CCND3: variants seen among roughly 807,000 people sequenced by gnomAD.
The protein encoded by CCND3 is cyclin D3, also known as G1/S-specific cyclin-D3.
CCND3 carries 9 observed loss-of-function variants against 28.7 expected under a neutral mutation model. That is an observed-to-expected ratio of 0.31 (90% CI 0.19 to 0.55). The LOEUF is 0.55. Ranked by LOEUF, CCND3 falls within the 20% of genes least tolerant of loss-of-function variation. The pLI is 0.93. For synonymous variants in CCND3, 164 were observed against 163.9 expected (o/e 1.00, Z 0.00); for missense variants, 315 against 385.8 (o/e 0.82, Z 1.54).
rs1484667648 is a variant in CCND3, at chr6:41,939,560, C to A, written c.414+810G>T. On this transcript the variant is annotated intron_variant, in intron 2 of 4. Coordinates refer to ENST00000372991, the MANE Select transcript of CCND3 (RefSeq NM_001760.5). This position sits in a 1 kb window ranked among gnomAD's most constrained non-coding sequence, Gnocchi z 4.2. Reference sequence around the variant, plus strand: ...TTCCAGCAAGAGGCCCAGGGAGCCACTTCCCAAACCACAGGAGTGACAGCA... The same window carrying A: ...TTCCAGCAAGAGGCCCAGGGAGCCAATTCCCAAACCACAGGAGTGACAGCA... 6.6e-6 allele frequency among the ~76,000 whole-genome samples: 1 copy of A among 152,220 alleles called. No homozygotes were observed. The highest frequency in any genetic ancestry group is 6.5e-5 in the Admixed American group (1 of 15,292).
intron 1 of CCND3, among the ~76,000 whole-genome samples, chr6:41,976,594 C>G (rs573477399): frequency 2.0e-5 from 3 of 152,024 alleles, no homozygotes; most frequent in Non-Finnish European, 4.4e-5. Flanking sequence ...TCAAGGCTAC[C>G]GTGAGCCGTG....
At chr6:41,984,106 T>G (rs1398906742) in intron 1 of CCND3, among the ~76,000 whole-genome samples, 1 of 152,218 alleles carries the variant, frequency 6.6e-6, no homozygotes, top group Non-Finnish European at 1.5e-5. Context: ...TCATCCATAT[T>G]ATCACAAATG....
rs553985278 is a variant in CCND3 at position 41,985,567 on chromosome 6, G to A, written c.-45-44982C>T. 1.0e-4 allele frequency among the ~76,000 whole-genome samples: 15 copies of A among 150,498 alleles called. No homozygotes were observed. In the South Asian group the frequency reaches 2.3e-3, roughly 23 times the overall value. ...TGACCTTAGGTAATCCACCCGCCTC[G>A]GCCTCCCAGAGTGCTGGGATTACAG... is the stretch of plus-strand genomic sequence containing the variant. On this transcript the variant is annotated intron_variant, in intron 1 of 4. Coordinates refer to the CCND3 transcript ENST00000372988.
intron 1 of CCND3, among the ~76,000 whole-genome samples, chr6:41,966,065 G>A (rs558928309): frequency 1.3e-4 from 20 of 152,262 alleles, no homozygotes; most frequent in African/African-American, 4.6e-4. Context: ...AAACCTCAGT[G>A]TTCCTGCCTG....
chr6:41,950,253 G>A (rs1776271146), intron 1 of CCND3, among the ~76,000 whole-genome samples: 1 of 152,092 alleles, frequency 6.6e-6, no homozygotes, highest in East Asian at 1.9e-4. Context: ...GGCCTCAGGT[G>A]TGGAAGGGTA....
chr6:42,027,439 C>CA (rs5875782), intron 1 of CCND3, among the ~76,000 whole-genome samples: 4,996 of 131,822 alleles, frequency 0.038, 305 homozygotes, highest in African/African-American at 0.13. Context: ...GGCTCCATCT[C>CA]AAAAAAAAAA....
At chr6:42,021,136 A>G (rs1763700804) in intron 1 of CCND3, among the ~76,000 whole-genome samples, 1 of 152,220 alleles carries the variant, frequency 6.6e-6, no homozygotes, top group Admixed American at 6.5e-5. Context: ...GACCACATTC[A>G]CACAACTTTT....
intron 1 of CCND3, among the ~76,000 whole-genome samples, chr6:42,008,879 G>C (rs900999267): frequency 1.3e-5 from 2 of 152,094 alleles, no homozygotes; most frequent in Non-Finnish European, 2.9e-5. Flanking sequence ...GAACACAGGG[G>C]CATCTCTTTC....
At chr6:41,954,854 G>A (rs566595786) in intron 1 of CCND3, among the ~76,000 whole-genome samples, 5 of 152,298 alleles carry the variant, frequency 3.3e-5, no homozygotes, top group East Asian at 3.9e-4. Flanking sequence ...ACTGTGCTGC[G>A]ATGCCTGGAG....
At chr6:41,959,553 G>A (rs1164251033) in intron 1 of CCND3, among the ~76,000 whole-genome samples, 2 of 151,432 alleles carry the variant, frequency 1.3e-5, no homozygotes, top group Non-Finnish European at 2.9e-5. Context: ...GCGTGGTGGT[G>A]TGTGCCTGTA....
chr6:42,044,343 CTTCA>C (rs143587200), intron 1 of CCND3, among the ~76,000 whole-genome samples: 1,911 of 152,306 alleles, frequency 0.013, 31 homozygotes, highest in African/African-American at 0.043. Context: ...CGGCAACACT[CTTCA>C]TTCACCCAAT....
At chr6:41,947,080 G>A (rs1406287377) in intron 1 of CCND3, among the ~76,000 whole-genome samples, 1 of 150,636 alleles carries the variant, frequency 6.6e-6, no homozygotes, top group Non-Finnish European at 1.5e-5. Context: ...AATTAGCTGG[G>A]CATGGTGGCG....
At chr6:42,007,449 G>A (rs752318662) in intron 1 of CCND3, among the ~76,000 whole-genome samples, 3 of 152,214 alleles carry the variant, frequency 2.0e-5, no homozygotes, top group Non-Finnish European at 2.9e-5. Flanking sequence ...AGGGAAGTCT[G>A]ATAGCACTGA....
intron 1 of CCND3, among the ~76,000 whole-genome samples, chr6:41,947,360 T>C (rs948562611): frequency 6.6e-6 from 1 of 152,202 alleles, no homozygotes; most frequent in Non-Finnish European, 1.5e-5. Context: ...GAGGCTGCCT[T>C]CTTGGCAACA....
chr6:42,038,140 A>C (rs1407035682), intron 1 of CCND3, among the ~76,000 whole-genome samples: 1 of 151,976 alleles, frequency 6.6e-6, no homozygotes, highest in Non-Finnish European at 1.5e-5. Flanking sequence ...CTAATATGTC[A>C]GTCTCTAAAA....
chr6:42,006,902 T>C (rs1338702814), intron 1 of CCND3, among the ~76,000 whole-genome samples: 1 of 147,598 alleles, frequency 6.8e-6, no homozygotes, highest in Admixed American at 6.7e-5. Flanking sequence ...AGCAAGACTC[T>C]GTCTCAAAAA....
intron 1 of CCND3, among the ~76,000 whole-genome samples, chr6:42,046,039 G>GCCACCCTCCACCCAGTTC (rs1195762279): frequency 2.0e-5 from 3 of 152,160 alleles, no homozygotes; most frequent in Non-Finnish European, 4.4e-5. Flanking sequence ...TCTCAGTGCA[G>GCCACCCTCCACCCAGTTC]CCACCCTCCA....
intron 1 of CCND3, among the ~76,000 whole-genome samples, chr6:42,006,702 A>C (rs1323964024): frequency 1.3e-5 from 2 of 151,992 alleles, no homozygotes. Context: ...AGGTCAGGAG[A>C]TCAAGACCAT....
intron 1 of CCND3, among the ~76,000 whole-genome samples, chr6:41,969,626 C>T (rs1029528902): frequency 6.6e-6 from 1 of 152,098 alleles, no homozygotes; most frequent in African/African-American, 2.4e-5. Context: ...GTCCCAGTTA[C>T]TAGGGAGACT....
Sources: allele counts gnomAD v4.1 joint callset (sites outside exome capture counted in the v4.1 genomes callset), GRCh38; gene constraint gnomAD v4.1.1; non-coding constraint Gnocchi (gnomAD v3.1); transcripts MANE v1.5; gene names NCBI Gene and HGNC (gene_info 2026-07-23, HGNC 2026-07-21).